The following CCDC149 variants were observed in gnomAD, a reference collection of about 807,000 sequenced individuals.
The protein encoded by CCDC149 is coiled-coil domain containing 149.
In CCDC149, 45 loss-of-function variants were observed where a neutral mutation model predicts 59.9. The observed-to-expected ratio is 0.75, with a 90% confidence interval of 0.59 to 0.96. CCDC149 has a LOEUF of 0.96. Ranked by LOEUF, CCDC149 falls within the 40% of genes least tolerant of loss-of-function variation. The pLI, the probability that CCDC149 is intolerant of heterozygous loss-of-function variation, is 0.00. For missense variants in CCDC149, 584 were observed against 664.7 expected, an observed-to-expected ratio of 0.88 and a Z score of 1.33; for synonymous variants, 245 against 260.6, an observed-to-expected ratio of 0.94 and a Z score of 0.58.
chr4:24,881,198 C>T (rs1719822525), intron 1 of CCDC149, among the ~76,000 whole-genome samples: 1 of 152,190 alleles, frequency 6.6e-6, no homozygotes, highest in Non-Finnish European at 1.5e-5. Flanking sequence ...TGAGAAAAGG[C>T]CAAACGTCTA....
intron 1 of CCDC149, among the ~76,000 whole-genome samples, chr4:24,897,338 A>G (rs1720902682): frequency 6.6e-6 from 1 of 152,150 alleles, no homozygotes; most frequent in East Asian, 1.9e-4. Flanking sequence ...AAGTCAAAAT[A>G]AGTCTGGAAA....
intron 12 of CCDC149, among the ~76,000 whole-genome samples, chr4:24,812,563 C>T (rs543474843): frequency 2.6e-5 from 4 of 152,322 alleles, no homozygotes; most frequent in East Asian, 1.9e-4. Flanking sequence ...GGTAATGCTT[C>T]GTAGTCACAT....
At chr4:24,950,166 T>C (rs114386725) in intron 1 of CCDC149, among the ~76,000 whole-genome samples, 90 of 152,328 alleles carry the variant, frequency 5.9e-4, no homozygotes, top group African/African-American at 1.9e-3. Flanking sequence ...AGAGAGAGTA[T>C]GCCAGAGCCC....
chr4:24,833,526 AG>A (rs1369870301), intron 8 of CCDC149, among the ~76,000 whole-genome samples: 1 of 152,180 alleles, frequency 6.6e-6, no homozygotes, highest in Non-Finnish European at 1.5e-5. Context: ...CAGGAAGCTG[AG>A]GCAGGAGAAT....
At chr4:24,894,842 C>G in intron 1 of CCDC149, 2 of 961,874 alleles carry the variant, frequency 2.1e-6, no homozygotes, top group Non-Finnish European at 3.0e-6. Flanking sequence ...GAAAAAAAAT[C>G]TCAAAGTCGC....
rs1716145687 is a variant in CCDC149, at chr4:24,831,500, A to G, written c.965+6T>C. On this transcript the variant is annotated splice_donor_region_variant and intron_variant, in intron 9 of 12. Transcript: ENST00000635206. ...CACCCCCCAACACAAGAGTTTGGCC[A>G]CCTACTTGTTGGTTTGCCTCTGGTG... The G allele has an allele frequency of 6.2e-7, 1 of 1,613,296 alleles. No homozygotes were observed. Among genetic ancestry groups the G allele is most frequent in the Non-Finnish European group, 8.5e-7 (1 of 1,179,774 alleles).
intron 1 of CCDC149, among the ~76,000 whole-genome samples, chr4:24,898,443 T>A (rs1420973232): frequency 6.6e-6 from 1 of 152,092 alleles, no homozygotes; most frequent in African/African-American, 2.4e-5. Context: ...GGCCGGGACA[T>A]TGGGCATGTT....
At chr4:24,846,370 A>C (rs1206822557) in intron 4 of CCDC149, among the ~76,000 whole-genome samples, 1 of 152,214 alleles carries the variant, frequency 6.6e-6, no homozygotes, top group Non-Finnish European at 1.5e-5. Context: ...TTTTCATTAG[A>C]GTGCCATCTT....
At chr4:24,869,786 A>T (rs934168125) in intron 3 of CCDC149, among the ~76,000 whole-genome samples, 2 of 152,218 alleles carry the variant, frequency 1.3e-5, no homozygotes, top group Non-Finnish European at 2.9e-5. Context: ...TATGGATGAG[A>T]ACATTGAGAC....
intron 3 of CCDC149, among the ~76,000 whole-genome samples, chr4:24,862,314 T>C (rs926114097): frequency 2.0e-5 from 3 of 152,182 alleles, no homozygotes; most frequent in Non-Finnish European, 2.9e-5. Context: ...CAACTGACCA[T>C]GGAGAAGCAT....
chr4:24,857,615 C>T (rs377092008), intron 3 of CCDC149, among the ~76,000 whole-genome samples: 1 of 152,090 alleles, frequency 6.6e-6, no homozygotes, highest in Non-Finnish European at 1.5e-5. Flanking sequence ...ATGGCCAGGA[C>T]GGAGGGCAGG....
At chr4:24,836,342 TA>T in intron 7 of CCDC149, 93 bp downstream of exon 7, 1 of 874,044 alleles carries the variant, frequency 1.1e-6, no homozygotes, top group Non-Finnish European at 1.9e-6. Flanking sequence ...AGGCAAGTAC[TA>T]AAATATCTTT....
At chr4:24,844,149 T>G (rs1717112276) in intron 4 of CCDC149, among the ~76,000 whole-genome samples, 1 of 152,126 alleles carries the variant, frequency 6.6e-6, no homozygotes, top group African/African-American at 2.4e-5. Flanking sequence ...GTCTTCATCA[T>G]ACTTACCAGA....
In CCDC149 at chr4:24,837,120, G is replaced by T; in HGVS notation, c.662+108C>A. ...CGGGGGAGTGAGTTTCTTTTCACTT[G>T]TAAGGCAATTTTCTCCAAAATAAAT... On this transcript the variant is annotated intron_variant, in intron 6 of 12. Coordinates refer to ENST00000635206, the MANE Select transcript of CCDC149 (RefSeq NM_001330643.2). This position sits in a 1 kb window ranked among gnomAD's most constrained non-coding sequence, Gnocchi z 4.3. 1.9e-6 allele frequency: 2 copies of T among 1,076,126 alleles called. No individual in the cohort carries two copies. Among genetic ancestry groups the T allele is most frequent in the Non-Finnish European group, 2.6e-6 (2 of 755,460 alleles). The allele number at this position is 1,076,126 out of a possible 1,614,324, so 66.7% of individuals were successfully genotyped here. A position where few individuals can be genotyped will look rare whatever the true frequency, so the allele number is the denominator to read the frequency against.
At chr4:24,969,301 G>A (rs1723892106) in intron 1 of CCDC149, among the ~76,000 whole-genome samples, 2 of 152,188 alleles carry the variant, frequency 1.3e-5, no homozygotes, top group South Asian at 4.1e-4. Flanking sequence ...TGTGGACACA[G>A]GCCTGTTGTT....
At chr4:24,945,363 G>C (rs1029275007) in intron 1 of CCDC149, among the ~76,000 whole-genome samples, 11 of 152,300 alleles carry the variant, frequency 7.2e-5, no homozygotes, top group South Asian at 6.2e-4. Flanking sequence ...CACAGATCCA[G>C]AGACACATAA....
chr4:24,822,736 G>C, intron 9 of CCDC149, 163 bp from the exon 10 acceptor site: 1 of 474,138 alleles, frequency 2.1e-6, no homozygotes, highest in South Asian at 4.3e-5. Context: ...GTGCTCTATT[G>C]AAAGTGCATA....
intron 1 of CCDC149, among the ~76,000 whole-genome samples, chr4:24,957,623 C>T (rs144376410): frequency 1.3e-5 from 2 of 152,242 alleles, no homozygotes; most frequent in East Asian, 3.9e-4. Context: ...CACGGGTTAG[C>T]AAACTCTGAT....
chr4:24,904,122 T>C (rs7688687), intron 1 of CCDC149, among the ~76,000 whole-genome samples: 21,218 of 152,236 alleles, frequency 0.14, 1,590 homozygotes, highest in East Asian at 0.21. Flanking sequence ...TTTCAAAAAT[T>C]TCATGTATAC....
Sources: allele counts gnomAD v4.1 joint callset (sites outside exome capture counted in the v4.1 genomes callset), GRCh38; gene constraint gnomAD v4.1.1; non-coding constraint Gnocchi (gnomAD v3.1); transcripts MANE v1.5; gene names NCBI Gene and HGNC (gene_info 2026-07-23, HGNC 2026-07-21).